CDK8: variants seen among roughly 807,000 people sequenced by gnomAD.
The protein encoded by CDK8 is cyclin-dependent kinase 8.
A neutral mutation model predicts 71.5 loss-of-function variants in CDK8; 29 were observed. The observed-to-expected ratio is 0.41, with a 90% CI of 0.30 to 0.55. The LOEUF (loss-of-function observed/expected upper bound fraction) is 0.55, where lower values mean the gene tolerates loss of function less well. CDK8 is among the 20% of genes least tolerant of loss of function. The pLI is 0.37. For synonymous variants in CDK8, 161 were observed against 192.1 expected (o/e 0.84, Z 1.34); for missense variants, 288 against 572.6 (o/e 0.50, Z 5.07).
intron 4 of CDK8, among the ~76,000 whole-genome samples, chr13:26,366,204 G>C (rs956393785): frequency 6.6e-6 from 1 of 151,880 alleles, no homozygotes; most frequent in Non-Finnish European, 1.5e-5. Context: ...TCAGTTTGAC[G>C]ACCATATCTC....
chr13:26,343,419 G>C (rs1873325241), intron 2 of CDK8, among the ~76,000 whole-genome samples: 1 of 152,104 alleles, frequency 6.6e-6, no homozygotes, highest in Non-Finnish European at 1.5e-5. Flanking sequence ...CGGAATAAAT[G>C]ATTAAAAAAA....
In CDK8 at chr13:26,254,603, G is replaced by GCCCCCCCC; in HGVS notation, c.-33_-32insCCCCCCCC. 19 of 1,454,084 alleles carry GCCCCCCCC rather than the reference G, an allele frequency of 1.3e-5. No homozygotes were observed. Among genetic ancestry groups the GCCCCCCCC allele is most frequent in the Admixed American group, 2.0e-5 (1 of 50,348 alleles). 90.1% of individuals were successfully genotyped at this position (1,454,084 alleles called of 1,614,324 possible). A position where few individuals can be genotyped will look rare whatever the true frequency, so the allele number is the denominator to read the frequency against. ...CCCCGGTCCCCACCCCTGCCCCCCG[G>GCCCCCCCC]CCCCCCGACCCAGCTCTCCGGCCTC... is the stretch of plus-strand genomic sequence containing the variant. On this transcript the variant is annotated 5_prime_UTR_variant, in exon 1 of 13. Transcript: ENST00000381527. This position sits in a 1 kb window ranked among gnomAD's most constrained non-coding sequence, Gnocchi z 6.7.
intron 1 of CDK8, among the ~76,000 whole-genome samples, chr13:26,281,807 G>C (rs894246109): frequency 1.3e-4 from 19 of 151,992 alleles, no homozygotes; most frequent in African/African-American, 4.6e-4. Context: ...ATATCGTAGA[G>C]ATAATGTTTA....
chr13:26,326,232 G>A (rs898655138), intron 1 of CDK8, among the ~76,000 whole-genome samples: 4 of 152,128 alleles, frequency 2.6e-5, no homozygotes, highest in African/African-American at 9.7e-5. Context: ...AGTAAGCTGA[G>A]TTGCACCCAA....
At chr13:26,403,114 A>G (rs981982845) in intron 12 of CDK8, among the ~76,000 whole-genome samples, 3 of 152,212 alleles carry the variant, frequency 2.0e-5, no homozygotes, top group African/African-American at 7.2e-5. Context: ...AAACCATCAC[A>G]TTCTTTCTCT....
chr13:26,309,392 G>T (rs1416784658), intron 1 of CDK8, among the ~76,000 whole-genome samples: 1 of 152,068 alleles, frequency 6.6e-6, no homozygotes, highest in Admixed American at 6.5e-5. Flanking sequence ...ACCTGCCTCG[G>T]CCTCCCAAAG....
intron 1 of CDK8, among the ~76,000 whole-genome samples, chr13:26,304,824 T>A (rs1017097722): frequency 5.3e-5 from 8 of 151,746 alleles, no homozygotes; most frequent in African/African-American, 1.9e-4. Flanking sequence ...TTTTTAATTT[T>A]AAAATTTTAA....
chr13:26,338,672 C>CT (rs779073383), intron 2 of CDK8, among the ~76,000 whole-genome samples: 44 of 152,144 alleles, frequency 2.9e-4, no homozygotes, highest in Admixed American at 7.2e-4. Flanking sequence ...TTAATTGATA[C>CT]TTTTTTAATA....
At chr13:26,379,806 T>G (rs1444627823) in intron 4 of CDK8, among the ~76,000 whole-genome samples, 2 of 152,048 alleles carry the variant, frequency 1.3e-5, no homozygotes, top group Non-Finnish European at 2.9e-5. Context: ...GGTAGTGGGA[T>G]TTGGGGTAGG....
At chr13:26,284,581 ACT>A (rs1308308715) in intron 1 of CDK8, among the ~76,000 whole-genome samples, 1 of 152,180 alleles carries the variant, frequency 6.6e-6, no homozygotes, top group Non-Finnish European at 1.5e-5. Context: ...AGAAATAGAA[ACT>A]CTGAACAGAC....
At chr13:26,373,947 C>G (rs925911784) in intron 4 of CDK8, among the ~76,000 whole-genome samples, 1 of 145,978 alleles carries the variant, frequency 6.9e-6, no homozygotes, top group Non-Finnish European at 1.5e-5. Context: ...TTTGGGAGGC[C>G]GAGGTGAGTG....
intron 1 of CDK8, among the ~76,000 whole-genome samples, chr13:26,289,251 C>A (rs1350651746): frequency 6.6e-6 from 1 of 151,798 alleles, no homozygotes; most frequent in African/African-American, 2.4e-5. Flanking sequence ...GATGGAGTTT[C>A]ACCATGTTGG....
At chr13:26,336,414 G>C (rs1054330653) in intron 1 of CDK8, among the ~76,000 whole-genome samples, 9 of 152,118 alleles carry the variant, frequency 5.9e-5, no homozygotes, top group East Asian at 3.9e-4. Flanking sequence ...AATTTGTATA[G>C]GATATAATAT....
intron 1 of CDK8, among the ~76,000 whole-genome samples, chr13:26,287,416 G>A (rs1054103980): frequency 3.3e-5 from 5 of 152,172 alleles, no homozygotes; most frequent in African/African-American, 1.2e-4. Flanking sequence ...AATGGCATTC[G>A]CAGCAACCTG....
At chr13:26,311,427 C>G (rs1481709314) in intron 1 of CDK8, among the ~76,000 whole-genome samples, 1 of 152,176 alleles carries the variant, frequency 6.6e-6, no homozygotes, top group Admixed American at 6.5e-5. Flanking sequence ...ATAGGAAATT[C>G]TGACTCAGAG....
At chr13:26,350,494 G>C (rs1304339331) in intron 3 of CDK8, among the ~76,000 whole-genome samples, 1 of 152,054 alleles carries the variant, frequency 6.6e-6, no homozygotes, top group East Asian at 1.9e-4. Flanking sequence ...AAATTAGCTG[G>C]GCTCAGTGGC....
chr13:26,367,431 C>T (rs1874443067), intron 4 of CDK8, among the ~76,000 whole-genome samples: 1 of 151,728 alleles, frequency 6.6e-6, no homozygotes, highest in Non-Finnish European at 1.5e-5. Context: ...AAATTAAGCC[C>T]CTGTTATAGT....
At chr13:26,285,973 A>G (rs1169090493) in intron 1 of CDK8, among the ~76,000 whole-genome samples, 2 of 152,228 alleles carry the variant, frequency 1.3e-5, no homozygotes, top group South Asian at 4.1e-4. Context: ...ACATCTCTGC[A>G]AGGAAAACTG....
rs551090667 is a variant in CDK8 at position 26,307,319 on chromosome 13, G to A, written c.129-30248G>A. On this transcript the variant is annotated intron_variant, in intron 1 of 12. Coordinates refer to ENST00000381527, the MANE Select transcript of CDK8 (RefSeq NM_001260.3). The stretch of plus-strand genomic sequence containing the variant: ...ATAATCACCAGGGTGCCTAAAAGTA[G>A]AAGAGGGAGATAGAAAAGTCAGAGA... 1.1e-4 allele frequency among the ~76,000 whole-genome samples: 16 copies of A among 152,290 alleles called. No individual in the cohort carries two copies. The East Asian group carries it at 3.1e-3, about 29-fold the overall frequency.
Sources: gnomAD v4.1 joint callset for allele counts (sites outside exome capture counted in the v4.1 genomes callset) on GRCh38, gnomAD v4.1.1 for gene constraint, Gnocchi (gnomAD v3.1) non-coding constraint, MANE v1.5 for transcripts, NCBI Gene and HGNC (gene_info 2026-07-23, HGNC 2026-07-21) for gene names.